The following CYLC1 variants were observed in gnomAD, a reference collection of about 807,000 sequenced individuals.
CYLC1 encodes the protein cylicin-1.
In CYLC1, 2 loss-of-function variants were observed where a neutral mutation model predicts 31.6. The ratio of observed to expected loss-of-function variants is 0.06; its 90% CI spans 0.03 to 0.20. The LOEUF is 0.20. Ranked by LOEUF, CYLC1 falls within the 10% of genes least tolerant of loss-of-function variation. CYLC1 has a pLI of 1.00. For missense variants in CYLC1, 595 were observed against 424.1 expected (o/e 1.40, Z -3.54); for synonymous variants, 185 against 153.0 (o/e 1.21, Z -1.54).
chrX:83,873,837 G>T lies in CYLC1; in HGVS notation c.1129G>T (p.Ala377Ser), dbSNP rs1338443008. ...PESTDTESGD[A>S]KDARNDSRNL... The stretch of plus-strand genomic sequence containing the variant: ...GTCTACTGATACTGAATCAGGAGAT[G>T]CAAAGGATGCAAGAAATGATTCAAG... The change falls in exon 4 of 5, where the codon GCA becomes TCA. Residue 377 changes from alanine to serine, a missense_variant. By Grantham distance (99) the Ala-to-Ser change is moderately conservative. Transcript: ENST00000329312. The T allele has an allele frequency of 8.4e-7, 1 of 1,185,449 alleles. No homozygotes were observed. The highest frequency in any genetic ancestry group is 1.8e-5 in the South Asian group (1 of 55,296).
intron 3 of CYLC1, among the ~76,000 whole-genome samples, chrX:83,871,799 G>A (rs1313588852): frequency 2.7e-5 from 3 of 110,406 alleles, no homozygotes; most frequent in African/African-American, 9.8e-5. Context: ...ACCTAATACT[G>A]CACCTGGCAA....
chrX:83,869,468 G>A (rs1219229008), intron 1 of CYLC1, among the ~76,000 whole-genome samples: 1 of 110,479 alleles, frequency 9.1e-6, no homozygotes, highest in East Asian at 2.8e-4. Flanking sequence ...TCATGGTGGT[G>A]TTTGGTTTTC....
chrX:83,866,626 T>TA (rs1301655437), intron 1 of CYLC1, among the ~76,000 whole-genome samples: 1 of 110,286 alleles, frequency 9.1e-6, no homozygotes, highest in African/African-American at 3.3e-5. Context: ...TTCCAGCCAT[T>TA]AAAAAAAAGG....
intron 4 of CYLC1, among the ~76,000 whole-genome samples, chrX:83,882,717 G>A (rs765093516): frequency 7.2e-5 from 8 of 110,558 alleles, no homozygotes; most frequent in South Asian, 3.8e-4. Context: ...TATATACTCT[G>A]GGAGCATTAG....
chrX:83,863,763 G>A (rs1479047463), intron 1 of CYLC1, among the ~76,000 whole-genome samples: 3 of 111,836 alleles, frequency 2.7e-5, no homozygotes, highest in Non-Finnish European at 5.6e-5. Context: ...TGTTAGAGCA[G>A]ATGCTTTCTT....
intron 1 of CYLC1, 71 bp from the exon 2 acceptor site, chrX:83,869,793 CA>C (rs1409775430): frequency 1.1e-5 from 6 of 532,668 alleles, no homozygotes; most frequent in South Asian, 8.1e-5. Flanking sequence ...GGATAGATTA[CA>C]TAAAAAAATA....
Position 83,886,546 on chromosome X carries a change from C to T in CYLC1, c.1924-6C>T, listed in dbSNP as rs1569337617. 1.7e-6 allele frequency: 2 copies of T among 1,207,084 alleles called. No individual in the cohort carries two copies. Among genetic ancestry groups the T allele is most frequent in the Non-Finnish European group, 2.2e-6 (2 of 892,226 alleles). On this transcript the variant is annotated splice_polypyrimidine_tract_variant and splice_region_variant and intron_variant, in intron 4 of 4. Coordinates refer to ENST00000329312, the MANE Select transcript of CYLC1 (RefSeq NM_021118.3). Reference sequence around the variant, plus strand: ...TTTATTTGCATTTTTCTACTTTGCTCCTCAGCCTGAAGCACCGTGGATTCA... The same window carrying T: ...TTTATTTGCATTTTTCTACTTTGCTTCTCAGCCTGAAGCACCGTGGATTCA...
intron 1 of CYLC1, among the ~76,000 whole-genome samples, chrX:83,864,949 A>G (rs1265997668): frequency 1.6e-4 from 18 of 110,257 alleles, no homozygotes. Flanking sequence ...TAGATCTTGG[A>G]CCTCTTTTTT....
chrX:83,874,575 C>T lies in CYLC1; in HGVS notation c.1867C>T (p.Arg623Cys). The change falls in exon 4 of 5, where the codon CGT (arginine) becomes TGT (cysteine). Residue 623 changes from arginine to cysteine, a missense_variant. By Grantham distance (180) the Arg-to-Cys change is radical. Transcript: ENST00000329312. ...EPSLPSPKVRRLCWCKMPPPP... is the reference protein window; with the variant it reads ...EPSLPSPKVRCLCWCKMPPPP... ...TTCTCTACCATCACCAAAGGTCAGA[C>T]GTCTTTGTTGGTGCAAGATGCCTCC... 2.5e-6 allele frequency: 3 copies of T among 1,208,060 alleles called. No individual in the cohort carries two copies. Among genetic ancestry groups the T allele is most frequent in the Non-Finnish European group, 3.4e-6 (3 of 893,891 alleles).
At chrX:83,866,660 A>T (rs780521005) in intron 1 of CYLC1, among the ~76,000 whole-genome samples, 1 of 111,076 alleles carries the variant, frequency 9.0e-6, no homozygotes, top group South Asian at 3.8e-4. Context: ...GTTTGTACAC[A>T]AAATATTTTA....
At position 83,874,309 on chromosome X, in the gene CYLC1, C is replaced by G. The variant is rs200370695; in HGVS notation, c.1601C>G (p.Thr534Arg). The G allele has an allele frequency of 3.6e-5, 43 of 1,207,447 alleles. No individual in the cohort carries two copies. The highest frequency in any genetic ancestry group is 4.7e-5 in the Non-Finnish European group (42 of 894,034). The stretch of plus-strand genomic sequence containing the variant: ...GAATCTTCCAAGACAGGCTTTAAAA[C>G]ATCTACAAAAATCAAAGGTTCAGAT... The part of the protein sequence containing the change: ...FDESSKTGFK[T>R]STKIKGSDTE... Residue 534 changes from threonine to arginine, a missense_variant, in exon 4 of 5, where the codon ACA (threonine) becomes AGA (arginine). Physicochemically the swap from Thr to Arg is moderately conservative, Grantham distance 71 (BLOSUM62 -1). Coordinates refer to ENST00000329312, the MANE Select transcript of CYLC1 (RefSeq NM_021118.3).
intron 4 of CYLC1, among the ~76,000 whole-genome samples, chrX:83,885,562 G>C (rs1023164184): frequency 9.2e-6 from 1 of 108,912 alleles, no homozygotes; most frequent in Non-Finnish European, 1.9e-5. Context: ...TCTTACAACT[G>C]TTGAAGCTTC....
chrX:83,873,301 A>C lies in CYLC1; in HGVS notation c.593A>C (p.Lys198Thr), dbSNP rs1177811862. The change falls in exon 4 of 5, where the codon AAA becomes ACA. Residue 198 changes from lysine (K) to threonine (T), a missense_variant. By Grantham distance (78) the Lys-to-Thr change is moderately conservative. Transcript: ENST00000329312. ...SKTVSKNCSQ[K>T]DKKDSKNSKK... ...ACAGTCTCAAAAAATTGTTCACAAA[A>C]AGATAAGAAAGATTCAAAGAATTCC... The C allele has an allele frequency of 8.3e-7, 1 of 1,201,702 alleles. No homozygotes were observed. The highest frequency in any genetic ancestry group is 1.1e-6 in the Non-Finnish European group (1 of 891,178).
At chrX:83,867,035 G>C (rs930678208) in intron 1 of CYLC1, among the ~76,000 whole-genome samples, 5 of 111,507 alleles carry the variant, frequency 4.5e-5, no homozygotes, top group Non-Finnish European at 7.5e-5. Flanking sequence ...TCACATAACT[G>C]TAGAACACAG....
intron 4 of CYLC1, among the ~76,000 whole-genome samples, chrX:83,879,620 T>C (rs2031881329): frequency 9.0e-6 from 1 of 111,204 alleles, no homozygotes; most frequent in Non-Finnish European, 1.9e-5. Flanking sequence ...CATTCCCACT[T>C]TCACCCATCG....
At chrX:83,876,982 C>CAGCCACTT (rs746044017) in intron 4 of CYLC1, among the ~76,000 whole-genome samples, 94 of 110,835 alleles carry the variant, frequency 8.5e-4, no homozygotes, top group South Asian at 6.5e-3. Flanking sequence ...AAAATCTCTC[C>CAGCCACTT]ACTTGAAATC....
At chrX:83,872,718 TACACACAC>T (rs61531587) in intron 3 of CYLC1, among the ~76,000 whole-genome samples, 160 bp from the exon 4 acceptor site, 1,080 of 91,862 alleles carry the variant, frequency 0.012, 10 homozygotes, top group African/African-American at 0.037. Flanking sequence ...GTCTCTCTCT[TACACACAC>T]ACACACACAC....
chrX:83,864,400 C>A (rs1002679923), intron 1 of CYLC1, among the ~76,000 whole-genome samples: 2 of 110,809 alleles, frequency 1.8e-5, no homozygotes, highest in Non-Finnish European at 3.8e-5. Context: ...GTAACTCCTA[C>A]CACTTAAAAA....
chrX:83,885,463 C>T (rs899869564), intron 4 of CYLC1, among the ~76,000 whole-genome samples: 11 of 108,559 alleles, frequency 1.0e-4, no homozygotes, highest in Admixed American at 2.0e-4. Flanking sequence ...CCTAGTAATG[C>T]GACTATTATA....
Sources: allele counts gnomAD v4.1 joint callset (sites outside exome capture counted in the v4.1 genomes callset), GRCh38; gene constraint gnomAD v4.1.1; transcripts MANE v1.5; gene names NCBI Gene and HGNC (gene_info 2026-07-23, HGNC 2026-07-21).